The following RPS6KA4 variants were observed in gnomAD, a reference collection of about 807,000 sequenced individuals.
RPS6KA4 encodes ribosomal protein S6 kinase alpha-4.
Under a neutral mutation model 89.6 loss-of-function variants are expected in RPS6KA4, and 38 were observed. The ratio of observed to expected loss-of-function variants is 0.42; its 90% confidence interval spans 0.33 to 0.56. The LOEUF is 0.56. RPS6KA4 is among the 20% of genes least tolerant of loss of function. The probability of loss-of-function intolerance (pLI) is 0.07; values close to 1 mark genes in which losing one functional copy is unlikely to be tolerated. For synonymous variants in RPS6KA4, 495 were observed against 492.8 expected (o/e 1.00, Z -0.06); for missense variants, 873 against 1,098.8 (o/e 0.79, Z 2.90).
chr11:64,359,804 T>G (rs2036692256), intron 2 of RPS6KA4: 5 of 524,946 alleles, frequency 9.5e-6, no homozygotes, highest in Non-Finnish European at 1.7e-5. Flanking sequence ...GGTTTGCGCA[T>G]CCCTTCCCCA....
chr11:64,363,295 G>C (rs2036801613), intron 8 of RPS6KA4, among the ~76,000 whole-genome samples: 2 of 152,156 alleles, frequency 1.3e-5, no homozygotes, highest in Non-Finnish European at 2.9e-5. Context: ...ATGTCTTTGA[G>C]GTGAAGATGT....
chr11:64,370,218 C>A lies in RPS6KA4; in HGVS notation c.1798-7C>A. 6.5e-7 allele frequency: 1 copy of A among 1,541,526 alleles called. No individual in the cohort carries two copies. Among genetic ancestry groups the A allele is most frequent in the South Asian group, 1.3e-5 (1 of 78,194 alleles). On this transcript the variant is annotated splice_polypyrimidine_tract_variant and splice_region_variant and intron_variant, in intron 14 of 16. Coordinates refer to ENST00000334205, the MANE Select transcript of RPS6KA4 (RefSeq NM_003942.3). This position sits in a 1 kb window ranked among gnomAD's most constrained non-coding sequence, Gnocchi z 4.1. ...GGGCCGGCCTCACCTTCCCCTCACC[C>A]TCCTAGTACATGATGCTGTCGGGGC... is the stretch of plus-strand genomic sequence containing the variant.
rs1394510577 is a variant in RPS6KA4 at position 64,370,217 on chromosome 11, C to T, written c.1798-8C>T. On this transcript the variant is annotated splice_polypyrimidine_tract_variant and splice_region_variant and intron_variant, in intron 14 of 16. Coordinates refer to ENST00000334205, the MANE Select transcript of RPS6KA4 (RefSeq NM_003942.3). The surrounding 1 kb of genome is among the most constrained non-coding windows in gnomAD (Gnocchi z 4.1). ...TGGGCCGGCCTCACCTTCCCCTCAC[C>T]CTCCTAGTACATGATGCTGTCGGGG... 6.5e-7 allele frequency: 1 copy of T among 1,527,536 alleles called. No homozygotes were observed. The highest frequency in any genetic ancestry group is 2.3e-5 in the Admixed American group (1 of 43,150). 94.6% of individuals were successfully genotyped at this position (1,527,536 alleles called of 1,614,324 possible). A position where few individuals can be genotyped will look rare whatever the true frequency, so the allele number is the denominator to read the frequency against.
Position 64,369,752 on chromosome 11 carries a change from C to A in RPS6KA4, c.1656C>A (p.Phe552Leu). 1 of 1,611,596 alleles carries A rather than the reference C, an allele frequency of 6.2e-7. No individual in the cohort carries two copies. The change falls in exon 14 of 17, where the codon TTC (phenylalanine) becomes TTA (leucine). Residue 552 changes from phenylalanine (F) to leucine (L), a missense_variant. Physicochemically the swap from Phe to Leu is conservative, Grantham distance 22. Coordinates refer to ENST00000334205, the MANE Select transcript of RPS6KA4 (RefSeq NM_003942.3). ...GGGCCCCGGTGAAAATCATCGACTT[C>A]GGGTTCGCGCGGTTGCGGCCGCAGA... The part of the protein sequence containing the change: ...TPGAPVKIID[F>L]GFARLRPQSP...
At chr11:64,359,544 G>T (rs960716423) in intron 2 of RPS6KA4, 95 bp downstream of exon 2, 3 of 1,331,402 alleles carry the variant, frequency 2.3e-6, no homozygotes, top group Non-Finnish European at 3.1e-6. Context: ...CACTGAGCAG[G>T]CCCCCCACCC....
At position 64,361,811 on chromosome 11, in the gene RPS6KA4, T is replaced by G. The variant is rs769705830; in HGVS notation, c.756-41T>G. ...GGGCCTGCCTGGGCAGGGCTGTGGG[T>G]GGGGGGCTTGCTGCCCCTGACACCC... On this transcript the variant is annotated intron_variant, in intron 7 of 16. Transcript: ENST00000334205. This position sits in a 1 kb window ranked among gnomAD's most constrained non-coding sequence, Gnocchi z 4.7. 3.8e-6 allele frequency: 6 copies of G among 1,585,620 alleles called. No homozygotes were observed. The South Asian group carries it at 6.8e-5, about 18-fold the overall frequency.
rs769409471 is a variant in RPS6KA4, at chr11:64,368,791, C to G, written c.1422C>G (p.His474Gln). Residue 474 changes from histidine to glutamine, a missense_variant, in exon 12 of 17, where the codon CAC becomes CAG. Physicochemically the swap from His to Gln is conservative, Grantham distance 24 (BLOSUM62 0). Transcript: ENST00000334205. ...PNVVNLHEVH[H>Q]DQLHTYLVLE... ...TGGTGAATCTGCACGAGGTGCATCA[C>G]GACCAGGTGATGGCTTCCGGCCAGG... 2 of 1,564,824 alleles carry G rather than the reference C, an allele frequency of 1.3e-6. No individual in the cohort carries two copies. Among genetic ancestry groups the G allele is most frequent in the Non-Finnish European group, 1.7e-6 (2 of 1,155,072 alleles).
Position 64,371,509 on chromosome 11 carries a change from T to A in RPS6KA4, c.*29T>A. 1.1e-6 allele frequency: 1 copy of A among 872,642 alleles called. No individual in the cohort carries two copies. The highest frequency in any genetic ancestry group is 1.8e-6 in the Non-Finnish European group (1 of 564,374). The allele number at this position is 872,642 out of a possible 1,614,324, so 54.1% of individuals were successfully genotyped here. A position where few individuals can be genotyped will look rare whatever the true frequency, so the allele number is the denominator to read the frequency against. On this transcript the variant is annotated 3_prime_UTR_variant, in exon 17 of 17. Coordinates refer to ENST00000334205, the MANE Select transcript of RPS6KA4 (RefSeq NM_003942.3). The stretch of plus-strand genomic sequence containing the variant: ...CCACCACTGTGACCCCCTTCCCTCA[T>A]AGGGGCTGTGACCTGGGAGCCCGGC...
chr11:64,361,066 G>C lies in RPS6KA4; in HGVS notation c.463-68G>C. ...GGGGGGTCTCCTTATCCTGAGCAGGGCCAGGAGCTGGAGGAGCTGGGGAGG... is the reference window on the plus strand; with the variant it reads ...GGGGGGTCTCCTTATCCTGAGCAGGCCCAGGAGCTGGAGGAGCTGGGGAGG... On this transcript the variant is annotated intron_variant, in intron 4 of 16. Coordinates refer to ENST00000334205, the MANE Select transcript of RPS6KA4 (RefSeq NM_003942.3). This position sits in a 1 kb window ranked among gnomAD's most constrained non-coding sequence, Gnocchi z 4.7. The C allele has an allele frequency of 1.5e-6, 2 of 1,376,738 alleles. No homozygotes were observed. The highest frequency in any genetic ancestry group is 2.5e-5 in the South Asian group (2 of 80,906). 85.3% of individuals were successfully genotyped at this position (1,376,738 alleles called of 1,614,324 possible).
intron 10 of RPS6KA4, 85 bp from the exon 11 acceptor site, chr11:64,368,383 G>C: frequency 6.5e-7 from 1 of 1,542,582 alleles, no homozygotes; most frequent in Non-Finnish European, 8.7e-7. Context: ...AAGCCTCTCC[G>C]ACATGGGGCG....
intron 12 of RPS6KA4, 146 bp from the exon 13 acceptor site, chr11:64,369,300 C>CAAAG (rs59909471): frequency 0.97 from 727,824 of 748,666 alleles, 353,944 homozygotes; most frequent in East Asian, 0.99. Flanking sequence ...AAAAAAGTAA[C>CAAAG]AAAGAAAGAA....
At chr11:64,365,733 TA>T (rs576139228) in intron 9 of RPS6KA4, among the ~76,000 whole-genome samples, 182 of 152,324 alleles carry the variant, frequency 1.2e-3, no homozygotes, top group African/African-American at 3.9e-3. Flanking sequence ...TATGTAAAAA[TA>T]TTGTTTGAAA....
At chr11:64,365,183 C>T in intron 8 of RPS6KA4, 118 bp from the exon 9 acceptor site, 4 of 1,218,864 alleles carry the variant, frequency 3.3e-6, no homozygotes, top group Non-Finnish European at 4.6e-6. Flanking sequence ...CAGCTGCCCA[C>T]CCCAAATGCC....
At chr11:64,359,676 C>G (rs1381593696) in intron 2 of RPS6KA4, 2 of 581,178 alleles carry the variant, frequency 3.4e-6, no homozygotes, top group Middle Eastern at 4.6e-4. Flanking sequence ...GCATACCCCC[C>G]TGGATTTGCC....
chr11:64,365,255 C>A (rs747345382), intron 8 of RPS6KA4, 46 bp from the exon 9 acceptor site: 21 of 1,586,140 alleles, frequency 1.3e-5, no homozygotes, highest in Non-Finnish European at 1.8e-5. Flanking sequence ...GAGGGAGTTT[C>A]TCGTTCCTGG....
chr11:64,359,543 G>A lies in RPS6KA4; in HGVS notation c.127+94G>A, dbSNP rs941073908. On this transcript the variant is annotated intron_variant, in intron 2 of 16. Transcript: ENST00000334205. ...TGGGCCTGGGCCAGGCCACTGAGCAGGCCCCCCACCCTTTCCCGGCACAGC... is the reference window on the plus strand; with the variant it reads ...TGGGCCTGGGCCAGGCCACTGAGCAAGCCCCCCACCCTTTCCCGGCACAGC... The A allele has an allele frequency of 6.7e-6, 9 of 1,347,860 alleles. No homozygotes were observed. In the African/African-American group the frequency reaches 1.3e-4, roughly 19 times the overall value. 83.5% of individuals were successfully genotyped at this position (1,347,860 alleles called of 1,614,324 possible). A position where few individuals can be genotyped will look rare whatever the true frequency, so the allele number is the denominator to read the frequency against.
At position 64,361,915 on chromosome 11, in the gene RPS6KA4, G is replaced by T. The variant is rs1261773467; in HGVS notation, c.819G>T (p.Leu273=). ...PRIGPVAQDL[L]QRLLCKDPKK... ...TCGGGCCCGTGGCGCAGGACCTGCT[G>T]CAGCGGCTGCTTTGTAAGGATCCTA... is the stretch of plus-strand genomic sequence containing the variant. The change falls in exon 8 of 17, where the codon CTG becomes CTT. Residue 273 remains leucine, a synonymous_variant. Coordinates refer to ENST00000334205, the MANE Select transcript of RPS6KA4 (RefSeq NM_003942.3). This position sits in a 1 kb window ranked among gnomAD's most constrained non-coding sequence, Gnocchi z 4.7. 1 of 1,612,764 alleles carries T rather than the reference G, an allele frequency of 6.2e-7. No individual in the cohort carries two copies. Among genetic ancestry groups the T allele is most frequent in the Non-Finnish European group, 8.5e-7 (1 of 1,179,818 alleles).
chr11:64,369,683 C>T lies in RPS6KA4; in HGVS notation c.1603-16C>T. 4 of 1,602,916 alleles carry T rather than the reference C, an allele frequency of 2.5e-6. No individual in the cohort carries two copies. The highest frequency in any genetic ancestry group is 3.4e-6 in the Non-Finnish European group (4 of 1,173,456). ...GCCGGGGGCTGCCTCTGACCACTAC[C>T]CCGCCGCCCTCGCAGAACATCCTGT... On this transcript the variant is annotated splice_polypyrimidine_tract_variant and intron_variant, in intron 13 of 16. Transcript: ENST00000334205.
rs756402058 is a variant in RPS6KA4, at chr11:64,368,156, A to G, written c.1096A>G (p.Ile366Val). The G allele has an allele frequency of 6.2e-7, 1 of 1,613,592 alleles. No individual in the cohort carries two copies. The highest frequency in any genetic ancestry group is 1.7e-5 in the Admixed American group (1 of 60,012). Residue 366 changes from isoleucine to valine, a missense_variant, in exon 10 of 17, where the codon ATT becomes GTT. Ile to Val is a conservative substitution (Grantham distance 29). This residue lies in a region of RPS6KA4 where 542 missense variants were observed against 736.4 expected (regional missense o/e 0.74). Coordinates refer to ENST00000334205, the MANE Select transcript of RPS6KA4 (RefSeq NM_003942.3). ...GGGATACTCCTTTGTGGCACCCTCC[A>G]TTCTCTTTGACCACAACAACGCGGT... is the stretch of plus-strand genomic sequence containing the variant. ...FQGYSFVAPS[I>V]LFDHNNAVMT...
Sources: allele counts gnomAD v4.1 joint callset (sites outside exome capture counted in the v4.1 genomes callset), GRCh38; gene constraint gnomAD v4.1.1; regional missense constraint gnomAD v4.1.1; non-coding constraint Gnocchi (gnomAD v3.1); transcripts MANE v1.5; gene names NCBI Gene and HGNC (gene_info 2026-07-23, HGNC 2026-07-21).